The following SNX9 variants were observed in gnomAD, a reference collection of about 807,000 sequenced individuals.
The protein encoded by SNX9 is sorting nexin 9.
Under a neutral mutation model 89.4 loss-of-function variants are expected in SNX9, and 44 were observed. The ratio of observed to expected loss-of-function variants is 0.49; its 90% CI spans 0.39 to 0.63. SNX9 has a LOEUF of 0.63. Among genes scored for constraint, SNX9 ranks in the 30% least tolerant of loss-of-function variants. The pLI is 0.00. For synonymous variants in SNX9, 236 were observed against 247.8 expected (o/e 0.95, Z 0.45); for missense variants, 578 against 736.1 (o/e 0.79, Z 2.49).
chr6:157,902,842 ATT>A (rs1783134832), intron 6 of SNX9, among the ~76,000 whole-genome samples: 1 of 151,730 alleles, frequency 6.6e-6, no homozygotes, highest in Non-Finnish European at 1.5e-5. Flanking sequence ...TAATTTTTGT[ATT>A]TTTAGTAGAG....
intron 2 of SNX9, among the ~76,000 whole-genome samples, chr6:157,871,543 G>A (rs1479265886): frequency 6.6e-6 from 1 of 152,102 alleles, no homozygotes; most frequent in African/African-American, 2.4e-5. Flanking sequence ...TGGGAGGAGG[G>A]GGGAGGGATA....
intron 1 of SNX9, among the ~76,000 whole-genome samples, chr6:157,834,159 T>TTTG (rs1562588749): frequency 6.2e-5 from 6 of 96,770 alleles, no homozygotes; most frequent in African/African-American, 2.9e-4. Context: ...GGTTTTTTTT[T>TTTG]TTTTTTTTTT....
chr6:157,847,437 G>C (rs1465052578), intron 1 of SNX9, among the ~76,000 whole-genome samples: 1 of 152,128 alleles, frequency 6.6e-6, no homozygotes, highest in African/African-American at 2.4e-5. Flanking sequence ...CAAGAAAAAT[G>C]ATGAGGCTAA....
At chr6:157,861,863 T>G (rs1782131418) in intron 1 of SNX9, among the ~76,000 whole-genome samples, 1 of 152,214 alleles carries the variant, frequency 6.6e-6, no homozygotes, top group South Asian at 2.1e-4. Context: ...ACCACTCTTG[T>G]GCATCAGGGT....
chr6:157,921,518 G>T lies in SNX9; in HGVS notation c.950-13G>T. 6.2e-7 allele frequency: 1 copy of T among 1,611,152 alleles called. No homozygotes were observed. The highest frequency in any genetic ancestry group is 8.5e-7 in the Non-Finnish European group (1 of 1,178,330). ...GACAAAGTTGTATGTCATTCTTGGT[G>T]TGTCGCTTGCAGGCCGCTTTGAAGA... On this transcript the variant is annotated splice_polypyrimidine_tract_variant and intron_variant, in intron 9 of 17. Transcript: ENST00000392185.
chr6:157,937,613 A>T, intron 15 of SNX9, 90 bp downstream of exon 15: 2 of 891,334 alleles, frequency 2.2e-6, no homozygotes, highest in Non-Finnish European at 3.5e-6. Context: ...TATGTTTATT[A>T]TTAAAAAAGA....
In SNX9 at chr6:157,848,374, C is replaced by T. The variant is rs1781843202; in HGVS notation, c.13-19173C>T. ...GGCAGGCTATTAGGGGAAAATTCTT[C>T]CCCCAAACCGTGGTAGAGATTTAGA... On this transcript the variant is annotated intron_variant, in intron 1 of 17. Transcript: ENST00000392185. Among the ~76,000 whole-genome samples, 3 of 152,038 alleles carry T rather than the reference C, an allele frequency of 2.0e-5. No homozygotes were observed. The South Asian group carries it at 6.2e-4, about 32-fold the overall frequency.
chr6:157,897,061 G>A (rs752072153), intron 5 of SNX9, 63 bp downstream of exon 5: 107 of 1,466,976 alleles, frequency 7.3e-5, no homozygotes, highest in Middle Eastern at 5.1e-4. Flanking sequence ...AGACAGGGAA[G>A]ACCGAACTGT....
At chr6:157,938,872 G>A (rs912164871) in intron 16 of SNX9, 125 bp downstream of exon 16, 5 of 623,352 alleles carry the variant, frequency 8.0e-6, no homozygotes, top group South Asian at 5.2e-5. Flanking sequence ...TAAGCCCCTC[G>A]TTTGCAGGAT....
Position 157,872,158 on chromosome 6 carries a change from C to T in SNX9, c.100-944C>T, listed in dbSNP as rs188491726. Reference sequence around the variant, plus strand: ...TAAGATGAGAAAGTGGGACCTGCCCCTTAACATTGTTAATAATTAATAATA... The same window carrying T: ...TAAGATGAGAAAGTGGGACCTGCCCTTTAACATTGTTAATAATTAATAATA... On this transcript the variant is annotated intron_variant, in intron 2 of 17. Coordinates refer to ENST00000392185, the MANE Select transcript of SNX9 (RefSeq NM_016224.5). Among the ~76,000 whole-genome samples, 8 of 152,016 alleles carry T rather than the reference C, an allele frequency of 5.3e-5. No individual in the cohort carries two copies. The East Asian group carries it at 1.4e-3, about 26-fold the overall frequency.
chr6:157,911,494 G>C (rs1372061044), intron 9 of SNX9, among the ~76,000 whole-genome samples: 1 of 152,226 alleles, frequency 6.6e-6, no homozygotes, highest in Non-Finnish European at 1.5e-5. Flanking sequence ...TGTCAGCACT[G>C]CCGTGGAGTT....
chr6:157,927,072 GT>G, intron 10 of SNX9, 38 bp from the exon 11 acceptor site: 1 of 1,504,904 alleles, frequency 6.6e-7, no homozygotes, highest in Non-Finnish European at 9.3e-7. Context: ...CAGTTTGACT[GT>G]GCTCTCCACT....
Position 157,942,905 on chromosome 6 carries a change from T to C in SNX9, c.*67T>C. On this transcript the variant is annotated 3_prime_UTR_variant, in exon 18 of 18. Coordinates refer to ENST00000392185, the MANE Select transcript of SNX9 (RefSeq NM_016224.5). ...GACTTGGGGCAATGCAATTCAAAAC[T>C]TTTTTTCCCCTATTATTCAGAAAAA... 2 of 1,476,054 alleles carry C rather than the reference T, an allele frequency of 1.4e-6. No individual in the cohort carries two copies. The highest frequency in any genetic ancestry group is 2.2e-5 in the Admixed American group (1 of 44,656). The allele number at this position is 1,476,054 out of a possible 1,614,324, so 91.4% of individuals were successfully genotyped here. A position where few individuals can be genotyped will look rare whatever the true frequency, so the allele number is the denominator to read the frequency against.
chr6:157,937,889 T>C (rs1783958390), intron 15 of SNX9, among the ~76,000 whole-genome samples: 1 of 152,258 alleles, frequency 6.6e-6, no homozygotes, highest in East Asian at 1.9e-4. Flanking sequence ...AGCATTCTGC[T>C]TTATAACTTA....
chr6:157,881,707 A>C (rs1157318697), intron 4 of SNX9, among the ~76,000 whole-genome samples: 1 of 152,238 alleles, frequency 6.6e-6, no homozygotes, highest in African/African-American at 2.4e-5. Context: ...GTAGAAGATC[A>C]AACAGGCCAC....
At chr6:157,840,452 C>CTTTCTTTCCTTTCCTTCCTTTCTTTCCT (rs1554291583) in intron 1 of SNX9, among the ~76,000 whole-genome samples, 1 of 147,790 alleles carries the variant, frequency 6.8e-6, no homozygotes, top group African/African-American at 2.5e-5. Context: ...CTTTCCTTTC[C>CTTTCTTTCCTTTCCTTCCTTTCTTTCCT]TTCCTTCCTT....
chr6:157,909,683 A>C lies in SNX9; in HGVS notation c.724A>C (p.Met242Leu). ...GGCATAGGTTGGAGATTATGGCCCAATGTGGGTTTATCCTACCTCTACTTT... is the reference window on the plus strand; with the variant it reads ...GGCATAGGTTGGAGATTATGGCCCACTGTGGGTTTATCCTACCTCTACTTT... Reference protein sequence around the residue: ...IPIIVGDYGPMWVYPTSTFDC... With the variant: ...IPIIVGDYGPLWVYPTSTFDC... Residue 242 changes from methionine (M) to leucine (L), a missense_variant, in exon 8 of 18, where the codon ATG becomes CTG. By Grantham distance (15) the Met-to-Leu change is conservative. This residue lies in a region of SNX9 where 348 missense variants were observed against 491.4 expected (regional missense o/e 0.71). Coordinates refer to ENST00000392185, the MANE Select transcript of SNX9 (RefSeq NM_016224.5). The C allele has an allele frequency of 6.2e-7, 1 of 1,614,056 alleles. No individual in the cohort carries two copies. Among genetic ancestry groups the C allele is most frequent in the Non-Finnish European group, 8.5e-7 (1 of 1,180,000 alleles).
intron 1 of SNX9, among the ~76,000 whole-genome samples, chr6:157,832,900 T>G (rs1231913726): frequency 6.6e-6 from 1 of 152,218 alleles, no homozygotes; most frequent in Admixed American, 6.5e-5. Context: ...TAAACCTTAC[T>G]CTATCACTTC....
rs537549954 is a variant in SNX9 at position 157,913,715 on chromosome 6, C to T, written c.949+3690C>T. 8.5e-5 allele frequency among the ~76,000 whole-genome samples: 13 copies of T among 152,220 alleles called. No individual in the cohort carries two copies. The South Asian group carries it at 2.7e-3, about 32-fold the overall frequency. ...TGTGTTCTTTGTGTTCATAATTCTG[C>T]GTTTTCTAGGATGTCATTATAAATG... On this transcript the variant is annotated intron_variant, in intron 9 of 17. Coordinates refer to ENST00000392185, the MANE Select transcript of SNX9 (RefSeq NM_016224.5).
Sources: gnomAD v4.1 joint callset for allele counts (sites outside exome capture counted in the v4.1 genomes callset) on GRCh38, gnomAD v4.1.1 for gene constraint, gnomAD v4.1.1 regional missense constraint, MANE v1.5 for transcripts, NCBI Gene and HGNC (gene_info 2026-07-23, HGNC 2026-07-21) for gene names.